The following CFLAR variants were observed in gnomAD, a reference collection of about 807,000 sequenced individuals.
CFLAR encodes CASP8 and FADD-like apoptosis regulator.
Under a neutral mutation model 51.1 loss-of-function variants are expected in CFLAR, and 14 were observed. The ratio of observed to expected loss-of-function variants is 0.27; its 90% CI spans 0.18 to 0.43. The LOEUF (loss-of-function observed/expected upper bound fraction) is 0.43, where lower values mean the gene tolerates loss of function less well. Among genes scored for constraint, CFLAR ranks in the 20% least tolerant of loss-of-function variants. CFLAR has a pLI of 1.00. For missense variants in CFLAR, 390 were observed against 566.5 expected, an observed-to-expected ratio of 0.69 and a Z score of 3.16; for synonymous variants, 210 against 211.6, an observed-to-expected ratio of 0.99 and a Z score of 0.06.
intron 5 of CFLAR, chr2:201,141,528 G>A: frequency 1.4e-6 from 2 of 1,390,430 alleles, no homozygotes; most frequent in Admixed American, 2.9e-5. Flanking sequence ...TCTTGTTGCT[G>A]TATGTTTAGA....
chr2:201,117,125 G>A (rs1024894949), intron 1 of CFLAR: 5 of 152,206 alleles, frequency 3.3e-5, no homozygotes, highest in African/African-American at 1.2e-4. Context: ...GCCCTGGAGG[G>A]AATTTCACAA....
intron 5 of CFLAR, chr2:201,142,576 A>G (rs186999890): frequency 6.6e-6 from 1 of 152,302 alleles, no homozygotes; most frequent in Admixed American, 6.5e-5. Context: ...TAAACTATAT[A>G]CTTGTCATAC....
Position 201,138,489 on chromosome 2 carries a change from G to A in CFLAR, c.524-1868G>A, listed in dbSNP as rs2125736317. The A allele has an allele frequency of 8.5e-7, 1 of 1,175,858 alleles. No individual in the cohort carries two copies. Among genetic ancestry groups the A allele is most frequent in the African/African-American group, 1.5e-5 (1 of 66,598 alleles). 72.8% of individuals were successfully genotyped at this position (1,175,858 alleles called of 1,614,324 possible). ...CATTTGCCTCTTTCAACCTCACACT[G>A]CTGGAGCCACCACTAGCTTGATCCT... On this transcript the variant is annotated intron_variant, in intron 4 of 9. Coordinates refer to ENST00000309955, the MANE Select transcript of CFLAR (RefSeq NM_003879.7). This position sits in a 1 kb window ranked among gnomAD's most constrained non-coding sequence, Gnocchi z 4.0.
intron 8 of CFLAR, among the ~76,000 whole-genome samples, chr2:201,153,903 C>CTTTTTTTTTTTTT (rs747813572): frequency 3.9e-5 from 4 of 103,050 alleles, no homozygotes; most frequent in Non-Finnish European, 5.8e-5. Context: ...TCTTTTCTTT[C>CTTTTTTTTTTTTT]TTTTTTTTTT....
At chr2:201,158,048 CTTCTGT>C (rs1267648329) in intron 8 of CFLAR, among the ~76,000 whole-genome samples, 1 of 152,178 alleles carries the variant, frequency 6.6e-6, no homozygotes, top group African/African-American at 2.4e-5. Flanking sequence ...AGCCATTTTT[CTTCTGT>C]TCTTTTAGGT....
At chr2:201,121,780 C>T (rs1476644004) in intron 1 of CFLAR, among the ~76,000 whole-genome samples, 1 of 152,192 alleles carries the variant, frequency 6.6e-6, no homozygotes, top group African/African-American at 2.4e-5. Context: ...CCAATCTTGT[C>T]TAGATGAACT....
In CFLAR at chr2:201,170,040, G is replaced by A. The variant is rs1020138088; in HGVS notation, c.*6067G>A. ...ATTAGTTCAACCGTTGTGGAAGTGT[G>A]TGTGGCTATTCCTCAAAGATCTAGA... On this transcript the variant is annotated 3_prime_UTR_variant, in exon 10 of 10. Coordinates refer to ENST00000309955, the MANE Select transcript of CFLAR (RefSeq NM_003879.7). The A allele has an allele frequency of 7.9e-5, 12 of 152,244 alleles. No individual in the cohort carries two copies. Among genetic ancestry groups the A allele is most frequent in the Admixed American group, 6.5e-5 (1 of 15,290 alleles). 9.4% of individuals were successfully genotyped at this position (152,244 alleles called of 1,614,324 possible).
intron 5 of CFLAR, among the ~76,000 whole-genome samples, chr2:201,145,025 G>A (rs1405598143): frequency 6.6e-6 from 1 of 151,970 alleles, no homozygotes; most frequent in African/African-American, 2.4e-5. Context: ...GCAAATTTTT[G>A]TATTTTTAGT....
chr2:201,158,514 T>A (rs1321824537), intron 8 of CFLAR, among the ~76,000 whole-genome samples: 1 of 152,208 alleles, frequency 6.6e-6, no homozygotes, highest in Non-Finnish European at 1.5e-5. Context: ...TTTCCCTGTT[T>A]GCTTCTGCCC....
chr2:201,158,714 CAG>C (rs1467095120), intron 8 of CFLAR, among the ~76,000 whole-genome samples: 3 of 152,082 alleles, frequency 2.0e-5, no homozygotes, highest in Admixed American at 6.6e-5. Context: ...TTCTACCACA[CAG>C]AGTTTTCTTT....
intron 4 of CFLAR, chr2:201,137,645 C>A: frequency 2.6e-6 from 2 of 758,878 alleles, no homozygotes; most frequent in Non-Finnish European, 4.9e-6. Context: ...GGCTGTGGGC[C>A]CCGATATCCT....
chr2:201,129,542 T>C (rs897510463), intron 1 of CFLAR, 187 bp from the exon 2 acceptor site: 69 of 405,910 alleles, frequency 1.7e-4, no homozygotes, highest in African/African-American at 1.4e-3. Context: ...TCTCTGTCTT[T>C]TTGGATTAGT....
chr2:201,121,281 A>G (rs2048164823), intron 1 of CFLAR, among the ~76,000 whole-genome samples: 1 of 152,262 alleles, frequency 6.6e-6, no homozygotes, highest in Non-Finnish European at 1.5e-5. Flanking sequence ...GACAAGTTGT[A>G]TATAGCACAA....
chr2:201,142,880 T>C (rs1444724233), intron 5 of CFLAR: 1 of 152,320 alleles, frequency 6.6e-6, no homozygotes. Flanking sequence ...ATTACAGACA[T>C]GAGCCACTGC....
chr2:201,170,233 A>C lies in CFLAR; in HGVS notation c.*6260A>C, dbSNP rs2125986125. 6.6e-6 allele frequency: 1 copy of C among 152,372 alleles called. No individual in the cohort carries two copies. Among genetic ancestry groups the C allele is most frequent in the Non-Finnish European group, 1.5e-5 (1 of 68,042 alleles). The allele number at this position is 152,372 out of a possible 1,614,324, so 9.4% of individuals were successfully genotyped here. A position where few individuals can be genotyped will look rare whatever the true frequency, so the allele number is the denominator to read the frequency against. On this transcript the variant is annotated 3_prime_UTR_variant, in exon 10 of 10. Coordinates refer to ENST00000309955, the MANE Select transcript of CFLAR (RefSeq NM_003879.7). ...ATCAAAGATAGACTGGATAAAGAAA[A>C]TGTGGTACATATACACCATGGAATA...
At chr2:201,155,356 C>G (rs1029782891) in intron 8 of CFLAR, among the ~76,000 whole-genome samples, 2 of 151,736 alleles carry the variant, frequency 1.3e-5, no homozygotes, top group Non-Finnish European at 1.5e-5. Context: ...ACCTCTGTCT[C>G]CCGGGTTCAA....
At position 201,138,533 on chromosome 2, in the gene CFLAR, G is replaced by A; in HGVS notation, c.524-1824G>A. On this transcript the variant is annotated intron_variant, in intron 4 of 9. Coordinates refer to ENST00000309955, the MANE Select transcript of CFLAR (RefSeq NM_003879.7). The surrounding 1 kb of genome is among the most constrained non-coding windows in gnomAD (Gnocchi z 4.0). ...TGATCCTTGGCATCATCACCTCACT[G>A]AGGAGGGTGGTGTGGTCCTTCTCAG... The A allele has an allele frequency of 1.9e-6, 3 of 1,562,980 alleles. No individual in the cohort carries two copies. Among genetic ancestry groups the A allele is most frequent in the East Asian group, 2.2e-5 (1 of 44,718 alleles).
Position 201,138,238 on chromosome 2 carries a change from C to T in CFLAR, c.524-2119C>T, listed in dbSNP as rs1305659478. 15 of 901,650 alleles carry T rather than the reference C, an allele frequency of 1.7e-5. No homozygotes were observed. Among genetic ancestry groups the T allele is most frequent in the South Asian group, 2.6e-5 (2 of 77,096 alleles). 55.9% of individuals were successfully genotyped at this position (901,650 alleles called of 1,614,324 possible). On this transcript the variant is annotated intron_variant, in intron 4 of 9. Transcript: ENST00000309955. The surrounding 1 kb of genome is among the most constrained non-coding windows in gnomAD (Gnocchi z 4.0). ...TCTGATACACCGAGTTCCCTTGGGA[C>T]GAGTCCAAGCCTATGACATTGACGC...
At chr2:201,145,318 T>C (rs1413617259) in intron 5 of CFLAR, 60 bp from the exon 6 acceptor site, 5 of 946,422 alleles carry the variant, frequency 5.3e-6, no homozygotes, top group African/African-American at 4.9e-5. Context: ...AGAGGTGTAA[T>C]GTATAGTGTA....
Sources: allele counts gnomAD v4.1 joint callset (sites outside exome capture counted in the v4.1 genomes callset), GRCh38; gene constraint gnomAD v4.1.1; non-coding constraint Gnocchi (gnomAD v3.1); transcripts MANE v1.5; gene names NCBI Gene and HGNC (gene_info 2026-07-23, HGNC 2026-07-21).